The following GSDME variants were observed in gnomAD, a reference collection of about 807,000 sequenced individuals.
The protein encoded by GSDME is gasdermin-E.
A neutral mutation model predicts 47.5 loss-of-function variants in GSDME; 44 were observed. The ratio of observed to expected loss-of-function variants is 0.93; its 90% CI spans 0.73 to 1.19. The LOEUF is 1.19. Among genes scored for constraint, GSDME ranks in the 50% most tolerant of loss-of-function variants. GSDME has a pLI of 0.00. For synonymous variants in GSDME, 258 were observed against 252.8 expected (o/e 1.02, Z -0.20); for missense variants, 663 against 604.2 (o/e 1.10, Z -1.02).
At chr7:24,778,355 G>C in the GSDME span, among the ~76,000 whole-genome samples, 1 of 152,018 alleles carries the variant, frequency 6.6e-6, no homozygotes, top group Non-Finnish European at 1.5e-5. This position sits in a 1 kb window ranked among gnomAD's most constrained non-coding sequence, Gnocchi z 5.6. Flanking sequence ...ACCTGAGGCT[G>C]AGCAACAACA....
rs115385802 is a variant in GSDME at position 24,702,649 on chromosome 7, A to C, written c.1257+111T>G. ...AACAATACTTACTTAATGTGTCTTGAAGAGCTGTTGTGGTAAGTCCTAGAG... is the reference window on the plus strand; with the variant it reads ...AACAATACTTACTTAATGTGTCTTGCAGAGCTGTTGTGGTAAGTCCTAGAG... On this transcript the variant is annotated intron_variant, in intron 9 of 9. Transcript: ENST00000645220. The C allele has an allele frequency of 1.2e-3, 1,012 of 846,144 alleles. 7 individuals carry two copies. In the African/African-American group the frequency reaches 0.015, roughly 13 times the overall value. 52.4% of individuals were successfully genotyped at this position (846,144 alleles called of 1,614,324 possible).
At chr7:24,770,102 C>A in the GSDME span, among the ~76,000 whole-genome samples, 1 of 152,326 alleles carries the variant, frequency 6.6e-6, no homozygotes, top group South Asian at 2.1e-4. This position sits in a 1 kb window ranked among gnomAD's most constrained non-coding sequence, Gnocchi z 4.6. Context: ...AGGGTTGGAA[C>A]TTTCAGCCCT....
rs554412975 is a variant in GSDME, at chr7:24,698,700, G to T, written c.*326C>A. 32 of 374,810 alleles carry T rather than the reference G, an allele frequency of 8.5e-5. 1 individual carries two copies. The highest frequency in any genetic ancestry group is 7.7e-4 in the South Asian group (32 of 41,340). 23.2% of individuals were successfully genotyped at this position (374,810 alleles called of 1,614,324 possible). A position where few individuals can be genotyped will look rare whatever the true frequency, so the allele number is the denominator to read the frequency against. On this transcript the variant is annotated 3_prime_UTR_variant, in exon 10 of 10. Coordinates refer to ENST00000645220, the MANE Select transcript of GSDME (RefSeq NM_001127453.2). The stretch of plus-strand genomic sequence containing the variant: ...TCAGACTCTTTCTATGTAACAAAAA[G>T]TGGAATGCAAGTGACAGATGGACTT...
chr7:24,769,331 C>T, the GSDME span, among the ~76,000 whole-genome samples: 1 of 152,156 alleles, frequency 6.6e-6, no homozygotes, highest in Non-Finnish European at 1.5e-5. Context: ...GTGAGTTTTA[C>T]CTCTAGGAGC....
At chr7:24,787,480 G>A in the GSDME span, among the ~76,000 whole-genome samples, 5 of 152,174 alleles carry the variant, frequency 3.3e-5, no homozygotes, top group Admixed American at 2.0e-4. This position sits in a 1 kb window ranked among gnomAD's most constrained non-coding sequence, Gnocchi z 5.0. Context: ...GCCGGGACTT[G>A]GTGGTAGTGG....
At chr7:24,770,395 T>C in the GSDME span, among the ~76,000 whole-genome samples, 1 of 152,208 alleles carries the variant, frequency 6.6e-6, no homozygotes, top group Non-Finnish European at 1.5e-5. The surrounding 1 kb of genome is among the most constrained non-coding windows in gnomAD (Gnocchi z 4.6). Flanking sequence ...ATAGTAAGTA[T>C]AGCCTTTCCT....
intron 3 of GSDME, among the ~76,000 whole-genome samples, chr7:24,723,735 G>A (rs1212338464): frequency 1.3e-5 from 2 of 152,208 alleles, no homozygotes; most frequent in Non-Finnish European, 2.9e-5. Context: ...TCTTCTGGGT[G>A]AGGGCACCCT....
chr7:24,786,689 CAG>C, the GSDME span, among the ~76,000 whole-genome samples: 1 of 152,162 alleles, frequency 6.6e-6, no homozygotes, highest in African/African-American at 2.4e-5. This position sits in a 1 kb window ranked among gnomAD's most constrained non-coding sequence, Gnocchi z 5.5. Context: ...TAAATGGGTA[CAG>C]AGTTTCAGTT....
intron 3 of GSDME, among the ~76,000 whole-genome samples, chr7:24,730,843 A>G (rs530595461): frequency 7.9e-5 from 12 of 152,294 alleles, no homozygotes; most frequent in African/African-American, 2.6e-4. Context: ...ATAAAAAATG[A>G]AACTCATCAG....
the GSDME span, among the ~76,000 whole-genome samples, chr7:24,794,299 C>CCT: frequency 6.7e-5 from 10 of 148,444 alleles, no homozygotes; most frequent in East Asian, 6.0e-4. Context: ...CTCTTTCTCT[C>CCT]CTCTCTCTCT....
intron 3 of GSDME, among the ~76,000 whole-genome samples, chr7:24,738,477 A>G (rs1790380405): frequency 1.3e-5 from 2 of 152,290 alleles, no homozygotes; most frequent in Non-Finnish European, 2.9e-5. Context: ...AAGAGGACAC[A>G]AAAAACATGG....
At chr7:24,767,619 CT>C in the GSDME span, among the ~76,000 whole-genome samples, 163 of 146,936 alleles carry the variant, frequency 1.1e-3, no homozygotes, top group African/African-American at 2.2e-3. The surrounding 1 kb of genome is among the most constrained non-coding windows in gnomAD (Gnocchi z 5.3). Flanking sequence ...GTTGTAGAAC[CT>C]TTTTTTTTTT....
chr7:24,744,838 G>A lies in GSDME; in HGVS notation c.212-84C>T, dbSNP rs140324641. 6.9e-6 allele frequency: 10 copies of A among 1,451,914 alleles called. No homozygotes were observed. The highest frequency in any genetic ancestry group is 9.5e-6 in the Non-Finnish European group (10 of 1,050,784). The allele number at this position is 1,451,914 out of a possible 1,614,324, so 89.9% of individuals were successfully genotyped here. On this transcript the variant is annotated intron_variant, in intron 2 of 9. Coordinates refer to ENST00000645220, the MANE Select transcript of GSDME (RefSeq NM_001127453.2). This position sits in a 1 kb window ranked among gnomAD's most constrained non-coding sequence, Gnocchi z 4.5. The stretch of plus-strand genomic sequence containing the variant: ...GGGTCATTTAGCTTTCCAAGCCTGT[G>A]CAGAGCCCCGGAAAGCAGAAGGCTG...
At chr7:24,713,669 G>A (rs187392478) in intron 5 of GSDME, among the ~76,000 whole-genome samples, 6 of 152,342 alleles carry the variant, frequency 3.9e-5, no homozygotes, top group Admixed American at 1.3e-4. Context: ...CCCATAAGGC[G>A]TGACATGGTG....
Position 24,698,516 on chromosome 7 carries a change from T to G in GSDME, c.*510A>C. On this transcript the variant is annotated 3_prime_UTR_variant, in exon 10 of 10. Transcript: ENST00000645220. The stretch of plus-strand genomic sequence containing the variant: ...GTGTTACTGTTAGATTTTTTTGAAG[T>G]TTAATTTTGTTCAGCAGAGGAATAT... 1 of 184,348 alleles carries G rather than the reference T, an allele frequency of 5.4e-6. No homozygotes were observed. Among genetic ancestry groups the G allele is most frequent in the Non-Finnish European group, 1.1e-5 (1 of 88,734 alleles). The allele number at this position is 184,348 out of a possible 1,614,324, so 11.4% of individuals were successfully genotyped here.
the GSDME span, among the ~76,000 whole-genome samples, chr7:24,788,009 G>A: frequency 6.6e-6 from 1 of 152,260 alleles, no homozygotes; most frequent in South Asian, 2.1e-4. The surrounding 1 kb of genome is among the most constrained non-coding windows in gnomAD (Gnocchi z 4.6). Context: ...TGGCCAAAGA[G>A]TTTTTTAAAA....
intron 2 of GSDME, among the ~76,000 whole-genome samples, chr7:24,747,874 C>A (rs1790718323): frequency 6.6e-6 from 1 of 151,864 alleles, no homozygotes; most frequent in South Asian, 2.1e-4. Context: ...TGCCACGTTG[C>A]CCAGGCTAGC....
chr7:24,722,728 C>G (rs1562700054), intron 3 of GSDME, among the ~76,000 whole-genome samples: 1 of 152,240 alleles, frequency 6.6e-6, no homozygotes, highest in Non-Finnish European at 1.5e-5. Flanking sequence ...TCAGCCTAGA[C>G]TACTCAAGAC....
the GSDME span, among the ~76,000 whole-genome samples, chr7:24,784,548 C>A: frequency 6.6e-6 from 1 of 151,570 alleles, no homozygotes; most frequent in African/African-American, 2.4e-5. Flanking sequence ...AAGCATCCAG[C>A]AAGAGAGAAA....
Sources: allele counts gnomAD v4.1 joint callset (sites outside exome capture counted in the v4.1 genomes callset), GRCh38; gene constraint gnomAD v4.1.1; non-coding constraint Gnocchi (gnomAD v3.1); transcripts MANE v1.5; gene names NCBI Gene and HGNC (gene_info 2026-07-23, HGNC 2026-07-21).